KIF16B: variants seen among roughly 807,000 people sequenced by gnomAD.
KIF16B encodes the protein kinesin family member 16B.
Under a neutral mutation model 156.3 loss-of-function variants are expected in KIF16B, and 98 were observed. That is an observed-to-expected ratio of 0.63 (90% CI 0.53 to 0.74). The LOEUF (loss-of-function observed/expected upper bound fraction) is 0.74, where lower values mean the gene tolerates loss of function less well. KIF16B is among the 30% of genes least tolerant of loss of function. KIF16B has a pLI of 0.00. For synonymous variants in KIF16B, 564 were observed against 583.7 expected, an observed-to-expected ratio of 0.97 and a Z score of 0.49; for missense variants, 1,421 against 1,606.5, an observed-to-expected ratio of 0.88 and a Z score of 1.97.
rs200023927 is a variant in KIF16B at position 16,506,070 on chromosome 20, T to C, written c.820A>G (p.Asn274Asp). The C allele has an allele frequency of 1.9e-6, 3 of 1,614,126 alleles. No homozygotes were observed. The highest frequency in any genetic ancestry group is 2.5e-6 in the Non-Finnish European group (3 of 1,179,994). Residue 274 changes from asparagine (N) to aspartate (D), a missense_variant, in exon 8 of 26, where the codon AAT (asparagine) becomes GAT (aspartate). Coordinates refer to ENST00000354981, the MANE Select transcript of KIF16B (RefSeq NM_024704.5). ...ATGVRLKEGG[N>D]INKSLVTLGN... ...AGAGTCACGAGGGACTTGTTAATAT[T>C]TCCCCCTTCCTTTAGCCTAACCCCG...
intron 1 of KIF16B, among the ~76,000 whole-genome samples, chr20:16,562,727 C>T (rs2071110529): frequency 6.6e-6 from 1 of 152,190 alleles, no homozygotes; most frequent in African/African-American, 2.4e-5. Flanking sequence ...AATATATTCA[C>T]ACATACACAC....
chr20:16,485,916 T>C (rs1190088850), intron 12 of KIF16B, among the ~76,000 whole-genome samples: 1 of 152,130 alleles, frequency 6.6e-6, no homozygotes, highest in Non-Finnish European at 1.5e-5. Context: ...TATATGTGTA[T>C]ATAAATTCAC....
intron 17 of KIF16B, among the ~76,000 whole-genome samples, chr20:16,397,298 C>G (rs1043544610): frequency 1.3e-5 from 2 of 152,228 alleles, no homozygotes; most frequent in Admixed American, 6.5e-5. Context: ...CCAGGCTTCT[C>G]TGCCTAATCC....
intron 15 of KIF16B, among the ~76,000 whole-genome samples, chr20:16,410,054 C>CGT (rs2065897447): frequency 3.4e-5 from 1 of 29,836 alleles, no homozygotes; most frequent in Non-Finnish European, 5.4e-5. Flanking sequence ...TATGTTGGTA[C>CGT]ATATATATAT....
chr20:16,402,764 T>G (rs572648166), intron 17 of KIF16B, among the ~76,000 whole-genome samples: 1 of 152,142 alleles, frequency 6.6e-6, no homozygotes, highest in East Asian at 1.9e-4. Flanking sequence ...ACAGCCCGAG[T>G]GACATGGTGC....
At position 16,355,649 on chromosome 20, in the gene KIF16B, T is replaced by G. The variant is rs149503756; in HGVS notation, c.3621+681A>C. ...GAGAAGAGGATGGTGGCCAGCAACATTATTTAATAAAGTGTTATGAGTCAA... is the reference window on the plus strand; with the variant it reads ...GAGAAGAGGATGGTGGCCAGCAACAGTATTTAATAAAGTGTTATGAGTCAA... On this transcript the variant is annotated intron_variant, in intron 23 of 25. Coordinates refer to ENST00000354981, the MANE Select transcript of KIF16B (RefSeq NM_024704.5). Among the ~76,000 whole-genome samples, 669 of 152,296 alleles carry G rather than the reference T, an allele frequency of 4.4e-3. 3 individuals carry two copies. The highest frequency in any genetic ancestry group is 0.031 in the Middle Eastern group (9 of 294).
In KIF16B at chr20:16,378,785, C is replaced by A. The variant is rs1291822191; in HGVS notation, c.3197+20G>T. 6.4e-7 allele frequency: 1 copy of A among 1,569,360 alleles called. No individual in the cohort carries two copies. On this transcript the variant is annotated intron_variant, in intron 19 of 25. Coordinates refer to ENST00000354981, the MANE Select transcript of KIF16B (RefSeq NM_024704.5). The stretch of plus-strand genomic sequence containing the variant: ...CATTTGGCACCCACTGTATGCCACA[C>A]CCTTCCTTCCCAATCTCACCTCTCC...
At chr20:16,567,046 C>T (rs2071278864) in intron 1 of KIF16B, among the ~76,000 whole-genome samples, 1 of 152,152 alleles carries the variant, frequency 6.6e-6, no homozygotes, top group African/African-American at 2.4e-5. Flanking sequence ...TCCTACCTTC[C>T]AACCACCCCC....
intron 14 of KIF16B, 42 bp from the exon 15 acceptor site, chr20:16,427,283 T>C: frequency 6.4e-7 from 1 of 1,557,724 alleles, no homozygotes; most frequent in Non-Finnish European, 8.8e-7. Context: ...TTCCCCCTTT[T>C]CTACTGCAAT....
intron 1 of KIF16B, among the ~76,000 whole-genome samples, chr20:16,558,915 A>C (rs1444313197): frequency 1.3e-5 from 2 of 150,404 alleles, no homozygotes; most frequent in Middle Eastern, 3.2e-3. Flanking sequence ...AAAAAAAAAA[A>C]AAAAAACCAA....
intron 10 of KIF16B, among the ~76,000 whole-genome samples, chr20:16,503,211 A>AAAAAG (rs869058762): frequency 6.6e-6 from 1 of 152,222 alleles, no homozygotes; most frequent in Non-Finnish European, 1.5e-5. Context: ...ACTCTATCTC[A>AAAAAG]AAAAGAAAAG....
intron 12 of KIF16B, among the ~76,000 whole-genome samples, chr20:16,468,700 A>G (rs1341571236): frequency 6.6e-6 from 1 of 152,114 alleles, no homozygotes; most frequent in Non-Finnish European, 1.5e-5. Flanking sequence ...GTAAAAACTG[A>G]CAGAGCTGAA....
At chr20:16,525,797 T>C (rs574315143) in intron 3 of KIF16B, among the ~76,000 whole-genome samples, 1 of 152,342 alleles carries the variant, frequency 6.6e-6, no homozygotes, top group Non-Finnish European at 1.5e-5. Context: ...AGAAATGCTT[T>C]CTATGTAGAG....
chr20:16,543,821 T>C (rs936761379), intron 1 of KIF16B, among the ~76,000 whole-genome samples: 3 of 152,066 alleles, frequency 2.0e-5, no homozygotes, highest in Non-Finnish European at 4.4e-5. Flanking sequence ...TCACCTCACA[T>C]GTAAAGAAAT....
Position 16,411,655 on chromosome 20 carries a change from T to G in KIF16B, c.1613-5199A>C, listed in dbSNP as rs551966315. 2.6e-5 allele frequency among the ~76,000 whole-genome samples: 4 copies of G among 152,090 alleles called. No individual in the cohort carries two copies. The South Asian group carries it at 8.3e-4, about 32-fold the overall frequency. On this transcript the variant is annotated intron_variant, in intron 15 of 25. Coordinates refer to ENST00000354981, the MANE Select transcript of KIF16B (RefSeq NM_024704.5). Reference sequence around the variant, plus strand: ...GGGTATCATGGGGAACATACTATTGTCATGTGTGGCCTGAACATCTGCCAT... The same window carrying G: ...GGGTATCATGGGGAACATACTATTGGCATGTGTGGCCTGAACATCTGCCAT...
At chr20:16,332,474 T>C (rs2063964343) in intron 24 of KIF16B, among the ~76,000 whole-genome samples, 1 of 152,210 alleles carries the variant, frequency 6.6e-6, no homozygotes, top group African/African-American at 2.4e-5. Context: ...AAATCACCAC[T>C]CTCATAGTCT....
At chr20:16,377,612 G>A (rs2064986392) in intron 19 of KIF16B, among the ~76,000 whole-genome samples, 1 of 151,850 alleles carries the variant, frequency 6.6e-6, no homozygotes, top group Admixed American at 6.6e-5. Flanking sequence ...TACAAGTGGT[G>A]ACACTGAGGC....
chr20:16,300,202 A>C (rs2063451669), intron 25 of KIF16B, among the ~76,000 whole-genome samples: 1 of 152,206 alleles, frequency 6.6e-6, no homozygotes, highest in Admixed American at 6.5e-5. Context: ...TGATTCATAT[A>C]GACAGACGTT....
chr20:16,510,447 C>T (rs962223353), intron 6 of KIF16B, among the ~76,000 whole-genome samples: 2 of 152,116 alleles, frequency 1.3e-5, no homozygotes, highest in African/African-American at 4.8e-5. Context: ...GTCAGGAGTT[C>T]AAGACCAGCC....
Sources: allele counts gnomAD v4.1 joint callset (sites outside exome capture counted in the v4.1 genomes callset), GRCh38; gene constraint gnomAD v4.1.1; transcripts MANE v1.5; gene names NCBI Gene and HGNC (gene_info 2026-07-23, HGNC 2026-07-21).